Variants in LANCL2 observed in about 807,000 individuals in gnomAD.
LANCL2 encodes the protein lanC-like protein 2.
In LANCL2, 33 loss-of-function variants were observed where a neutral mutation model predicts 56.9. The ratio of observed to expected loss-of-function variants is 0.58; its 90% confidence interval spans 0.44 to 0.78. The LOEUF (loss-of-function observed/expected upper bound fraction) is 0.78. Among genes scored for constraint, LANCL2 ranks in the 30% least tolerant of loss-of-function variants. LANCL2 has a pLI of 0.00. For missense variants in LANCL2, 562 were observed against 580.2 expected, an observed-to-expected ratio of 0.97 and a Z score of 0.32; for synonymous variants, 233 against 228.2, an observed-to-expected ratio of 1.02 and a Z score of -0.19.
intron 8 of LANCL2, among the ~76,000 whole-genome samples, chr7:55,430,248 G>A (rs528802960): frequency 6.8e-4 from 103 of 152,332 alleles, no homozygotes; most frequent in Non-Finnish European, 1.0e-3. Flanking sequence ...CCAGATGACC[G>A]TCAGTAGGAA....
chr7:55,423,766 A>G (rs1286323675), intron 6 of LANCL2, among the ~76,000 whole-genome samples: 1 of 152,212 alleles, frequency 6.6e-6, no homozygotes, highest in Non-Finnish European at 1.5e-5. Context: ...TCAGTGACTT[A>G]TCCAAGGTCA....
chr7:55,420,937 T>C (rs1249518070), intron 6 of LANCL2, among the ~76,000 whole-genome samples: 1 of 152,254 alleles, frequency 6.6e-6, no homozygotes, highest in Non-Finnish European at 1.5e-5. Context: ...AATACATGTT[T>C]ATGATGGTTA....
chr7:55,384,529 A>T (rs1790103942), intron 1 of LANCL2, among the ~76,000 whole-genome samples: 1 of 152,054 alleles, frequency 6.6e-6, no homozygotes, highest in African/African-American at 2.4e-5. Flanking sequence ...TCCAGCCTGG[A>T]CGACAGAGCA....
At chr7:55,402,144 G>C (rs1352667128) in intron 5 of LANCL2, among the ~76,000 whole-genome samples, 3 of 146,078 alleles carry the variant, frequency 2.1e-5, no homozygotes, top group African/African-American at 5.0e-5. Flanking sequence ...CTCACCTCCC[G>C]GACGGGGCGG....
At chr7:55,372,819 T>C (rs557922818) in intron 1 of LANCL2, among the ~76,000 whole-genome samples, 102 of 152,340 alleles carry the variant, frequency 6.7e-4, no homozygotes, top group Non-Finnish European at 1.2e-3. Context: ...CTTTTTTTCC[T>C]AAGGAAAATA....
chr7:55,412,968 CT>C (rs2128995340), intron 6 of LANCL2, among the ~76,000 whole-genome samples: 1 of 152,282 alleles, frequency 6.6e-6, no homozygotes, highest in East Asian at 1.9e-4. Flanking sequence ...TAATAAATTA[CT>C]TAGGAAAATT....
intron 7 of LANCL2, among the ~76,000 whole-genome samples, chr7:55,425,830 C>T (rs770639899): frequency 2.0e-5 from 3 of 152,164 alleles, no homozygotes; most frequent in Non-Finnish European, 4.4e-5. Context: ...TGTTTGTAAT[C>T]GTCCTGCCAA....
chr7:55,383,405 G>A (rs1241029388), intron 1 of LANCL2, among the ~76,000 whole-genome samples: 1 of 152,158 alleles, frequency 6.6e-6, no homozygotes, highest in Non-Finnish European at 1.5e-5. Context: ...GTTTGACCAT[G>A]TATGTCATTC....
At position 55,408,678 on chromosome 7, in the gene LANCL2, GA is replaced by G. The variant is rs1211661337; in HGVS notation, c.826-3220del. On this transcript the variant is annotated intron_variant, in intron 5 of 8. Coordinates refer to ENST00000254770, the MANE Select transcript of LANCL2 (RefSeq NM_018697.4). ...TATGAGACCCTGTCTCAAAAAAAAA[GA>G]AAAAAAAAGAAATGAGGGACATAGT... 6.5e-5 allele frequency among the ~76,000 whole-genome samples: 9 copies of G among 137,736 alleles called. 1 individual carries two copies. In the South Asian group the frequency reaches 2.1e-3, roughly 32 times the overall value. 90.4% of individuals were successfully genotyped at this position (137,736 alleles called of 152,430 possible).
intron 6 of LANCL2, among the ~76,000 whole-genome samples, chr7:55,415,009 AAAG>A (rs1313263263): frequency 2.0e-5 from 3 of 150,090 alleles, no homozygotes; most frequent in African/African-American, 7.4e-5. Flanking sequence ...AAAGAAAAGA[AAAG>A]AAAAAGGCAA....
At chr7:55,392,500 G>A (rs1001880952) in intron 2 of LANCL2, among the ~76,000 whole-genome samples, 1 of 151,286 alleles carries the variant, frequency 6.6e-6, no homozygotes, top group East Asian at 2.0e-4. Context: ...ACAGGCACAT[G>A]CCACCACACC....
At chr7:55,401,566 TGATCATTCTTGGG>T (rs1790328251) in intron 5 of LANCL2, among the ~76,000 whole-genome samples, 1 of 133,114 alleles carries the variant, frequency 7.5e-6, no homozygotes. Context: ...TTTTTTTTTT[TGATCATTCTTGGG>T]TGTTTCTCGC....
chr7:55,410,683 CAT>C (rs1239779464), intron 5 of LANCL2, among the ~76,000 whole-genome samples: 36 of 152,214 alleles, frequency 2.4e-4, no homozygotes, highest in African/African-American at 8.7e-4. Context: ...GTGGTGCTAA[CAT>C]GTCACTTTAA....
chr7:55,430,360 C>T (rs935302519), intron 8 of LANCL2, among the ~76,000 whole-genome samples: 1 of 152,152 alleles, frequency 6.6e-6, no homozygotes, highest in Non-Finnish European at 1.5e-5. Flanking sequence ...GACGAAGGAG[C>T]CAGATACAAG....
intron 7 of LANCL2, among the ~76,000 whole-genome samples, chr7:55,426,944 CT>C (rs1037834401): frequency 1.7e-4 from 26 of 152,264 alleles, no homozygotes; most frequent in African/African-American, 5.1e-4. Flanking sequence ...GCAGCCGGTT[CT>C]TTAAAGATGA....
At chr7:55,425,850 C>T (rs201518514) in intron 7 of LANCL2, among the ~76,000 whole-genome samples, 3 of 152,316 alleles carry the variant, frequency 2.0e-5, no homozygotes, top group East Asian at 3.9e-4. Context: ...AAACCCTCCA[C>T]GGCTTCCCAT....
rs1182210987 is a variant in LANCL2, at chr7:55,366,121, GGCC to G, written c.104_106del (p.Ala35del). 1 of 1,545,144 alleles carries G rather than the reference GGCC, an allele frequency of 6.5e-7. No individual in the cohort carries two copies. ...TCGTCAACCCCTTCCCGGACTACGA[GGCC>G]GCCGCCGGGGCGCTGCTCGCCTCCG... is the stretch of plus-strand genomic sequence containing the variant. On this transcript the variant is annotated inframe_deletion, in exon 1 of 9. Coordinates refer to ENST00000254770, the MANE Select transcript of LANCL2 (RefSeq NM_018697.4).
At chr7:55,377,328 T>C (rs7789110) in intron 1 of LANCL2, among the ~76,000 whole-genome samples, 7,711 of 152,170 alleles carry the variant, frequency 0.051, 659 homozygotes, top group African/African-American at 0.17. Context: ...GGAAAAAATA[T>C]CATGAATAAA....
chr7:55,391,653 C>T, intron 1 of LANCL2, 140 bp from the exon 2 acceptor site: 1 of 513,126 alleles, frequency 1.9e-6, no homozygotes, highest in Non-Finnish European at 3.5e-6. Context: ...CCAAGATAGA[C>T]TCCAACCAAT....
Sources: allele counts gnomAD v4.1 joint callset (sites outside exome capture counted in the v4.1 genomes callset), GRCh38; gene constraint gnomAD v4.1.1; transcripts MANE v1.5; gene names NCBI Gene and HGNC (gene_info 2026-07-23, HGNC 2026-07-21).